Variants in GJB7 observed in about 807,000 individuals in gnomAD.
GJB7 encodes the protein gap junction beta-7 protein.
For synonymous variants in GJB7, 87 were observed against 95.2 expected (o/e 0.91, Z 0.50); for missense variants, 253 against 256.8 (o/e 0.99, Z 0.10).
chr6:87,322,928 G>C lies in GJB7; in HGVS notation c.-90C>G, dbSNP rs976293633. 2.6e-5 allele frequency: 4 copies of C among 152,176 alleles called. No homozygotes were observed. The highest frequency in any genetic ancestry group is 5.9e-5 in the Non-Finnish European group (4 of 68,108). The allele number at this position is 152,176 out of a possible 1,614,324, so 9.4% of individuals were successfully genotyped here. ...ACACCCCCACCCCGAGAACTCTCTCGTTTCCTGCAGTTTCTTAGTGTCTTG... is the reference window on the plus strand; with the variant it reads ...ACACCCCCACCCCGAGAACTCTCTCCTTTCCTGCAGTTTCTTAGTGTCTTG... On this transcript the variant is annotated 5_prime_UTR_variant, in exon 2 of 3. Transcript: ENST00000525899.
intron 2 of GJB7, among the ~76,000 whole-genome samples, chr6:87,315,368 A>G (rs1363067227): frequency 6.6e-6 from 1 of 152,178 alleles, no homozygotes; most frequent in Non-Finnish European, 1.5e-5. Flanking sequence ...AGGCCAAAAG[A>G]GTTGTTCCAT....
intron 2 of GJB7, among the ~76,000 whole-genome samples, chr6:87,288,412 G>A (rs937519037): frequency 6.6e-6 from 1 of 152,134 alleles, no homozygotes; most frequent in Non-Finnish European, 1.5e-5. Context: ...ACATCTGGAA[G>A]GTTACCATGT....
In GJB7 at chr6:87,322,406, T is replaced by C. The variant is rs1776681511; in HGVS notation, c.-28+460A>G. 1.6e-5 allele frequency: 2 copies of C among 123,352 alleles called. 1 individual carries two copies. The highest frequency in any genetic ancestry group is 4.9e-4 in the East Asian group (2 of 4,066). 7.6% of individuals were successfully genotyped at this position (123,352 alleles called of 1,614,324 possible). ...AAAGGGAAGAAAGCAAAAACGTCCC[T>C]TGCACACTTCAGCCCGCAGACCCCA... On this transcript the variant is annotated intron_variant, in intron 2 of 2. Transcript: ENST00000525899.
At chr6:87,323,959 T>C (rs913334259) in intron 1 of GJB7, among the ~76,000 whole-genome samples, 1 of 151,470 alleles carries the variant, frequency 6.6e-6, no homozygotes, top group Non-Finnish European at 1.5e-5. Context: ...TTTTAATGAT[T>C]GCCATTCTAA....
intron 2 of GJB7, among the ~76,000 whole-genome samples, chr6:87,293,157 G>A (rs192635611): frequency 7.2e-5 from 11 of 151,958 alleles, no homozygotes; most frequent in East Asian, 1.9e-4. Flanking sequence ...TCAGCTTCCC[G>A]AGTAGTGGGG....
chr6:87,318,541 G>T (rs775621469), intron 2 of GJB7, among the ~76,000 whole-genome samples: 4 of 152,200 alleles, frequency 2.6e-5, no homozygotes, highest in Non-Finnish European at 4.4e-5. Flanking sequence ...GCTTTGCTCT[G>T]TATGTTTTTC....
chr6:87,298,666 T>C (rs954401242), intron 2 of GJB7: 1 of 175,742 alleles, frequency 5.7e-6, no homozygotes, highest in African/African-American at 2.4e-5. Context: ...TAGTGTAAAA[T>C]GCATAATTTC....
chr6:87,323,320 A>G (rs1464849754), intron 1 of GJB7, among the ~76,000 whole-genome samples: 1 of 152,022 alleles, frequency 6.6e-6, no homozygotes, highest in East Asian at 1.9e-4. Context: ...CATGTGCACA[A>G]TGTGCAGGTT....
intron 2 of GJB7, among the ~76,000 whole-genome samples, chr6:87,305,595 TA>T (rs1720868318): frequency 6.6e-6 from 1 of 152,090 alleles, no homozygotes; most frequent in Non-Finnish European, 1.5e-5. Context: ...AAAATGGCCA[TA>T]CTGCCCAAGG....
chr6:87,302,278 G>GA (rs145948658), intron 2 of GJB7, among the ~76,000 whole-genome samples: 15,525 of 151,904 alleles, frequency 0.1, 839 homozygotes, highest in East Asian at 0.13. Context: ...TAAAAGCCTT[G>GA]AAAAAAAATT....
At chr6:87,317,820 T>A (rs1385494816) in intron 2 of GJB7, among the ~76,000 whole-genome samples, 1 of 150,924 alleles carries the variant, frequency 6.6e-6, no homozygotes, top group African/African-American at 2.5e-5. Flanking sequence ...TGTGGCACAC[T>A]GAATGCACCA....
At chr6:87,302,049 C>A (rs79651500) in intron 2 of GJB7, among the ~76,000 whole-genome samples, 3 of 152,010 alleles carry the variant, frequency 2.0e-5, no homozygotes, top group Non-Finnish European at 4.4e-5. Context: ...CATCAAAGAC[C>A]AAAGGTAGAT....
chr6:87,329,255 AT>A lies in GJB7; in HGVS notation c.-324del. 6.5e-6 allele frequency: 1 copy of A among 153,220 alleles called. No individual in the cohort carries two copies. Among genetic ancestry groups the A allele is most frequent in the Non-Finnish European group, 1.5e-5 (1 of 68,836 alleles). The allele number at this position is 153,220 out of a possible 1,614,324, so 9.5% of individuals were successfully genotyped here. A position where few individuals can be genotyped will look rare whatever the true frequency, so the allele number is the denominator to read the frequency against. On this transcript the variant is annotated 5_prime_UTR_variant, in exon 1 of 3. The change abolishes the stop of an existing upstream ORF in the 5' untranslated region. Coordinates refer to ENST00000525899, the MANE Select transcript of GJB7 (RefSeq NM_198568.3). The stretch of plus-strand genomic sequence containing the variant: ...GGAGCTGTAGACCGGAGCTGTTCCT[AT>A]TCAGCCATCTTGGCTCCTCCCCTCT...
chr6:87,307,439 A>G (rs922220258), intron 2 of GJB7, among the ~76,000 whole-genome samples: 2 of 152,198 alleles, frequency 1.3e-5, no homozygotes, highest in African/African-American at 2.4e-5. Context: ...TGAACAGGCA[A>G]CCTACAGAAT....
chr6:87,324,075 T>C (rs1421808729), intron 1 of GJB7, among the ~76,000 whole-genome samples: 1 of 151,562 alleles, frequency 6.6e-6, no homozygotes, highest in Non-Finnish European at 1.5e-5. Flanking sequence ...ATGTCTTCTT[T>C]TGAGAAGTGT....
intron 2 of GJB7, among the ~76,000 whole-genome samples, chr6:87,313,279 C>A (rs1355372677): frequency 1.3e-5 from 2 of 152,204 alleles, no homozygotes; most frequent in Middle Eastern, 3.2e-3. Flanking sequence ...ATTCTTCCTA[C>A]TACTTATTGA....
At chr6:87,303,014 G>A (rs1266332359) in intron 2 of GJB7, among the ~76,000 whole-genome samples, 3 of 152,194 alleles carry the variant, frequency 2.0e-5, no homozygotes, top group African/African-American at 4.8e-5. Context: ...CTCTACAAGA[G>A]CTCCTGAAGA....
intron 2 of GJB7, among the ~76,000 whole-genome samples, chr6:87,297,983 T>G (rs17453321): frequency 0.053 from 8,019 of 152,244 alleles, 245 homozygotes; most frequent in Non-Finnish European, 0.071. Context: ...TTTGAACAAC[T>G]CTGTCACCAG....
chr6:87,312,704 A>G (rs1249719144), intron 2 of GJB7, among the ~76,000 whole-genome samples: 1 of 152,220 alleles, frequency 6.6e-6, no homozygotes, highest in East Asian at 1.9e-4. Flanking sequence ...AGTTTCCGTT[A>G]TTACATACCT....
Sources: allele counts gnomAD v4.1 joint callset (sites outside exome capture counted in the v4.1 genomes callset), GRCh38; gene constraint gnomAD v4.1.1; transcripts MANE v1.5; gene names NCBI Gene and HGNC (gene_info 2026-07-23, HGNC 2026-07-21).